The following ZNF578 variants were observed in gnomAD, a reference collection of about 807,000 sequenced individuals.
The protein encoded by ZNF578 is Putative chemokine-related protein B42.
In ZNF578, 8 loss-of-function variants were observed where a neutral mutation model predicts 8.3. The ratio of observed to expected loss-of-function variants is 0.96; its 90% CI spans 0.56 to 1.74. The LOEUF (loss-of-function observed/expected upper bound fraction) is 1.74, where lower values mean the gene tolerates loss of function less well. ZNF578 is among the 40% of genes most tolerant of loss of function. The pLI is 0.00. For missense variants in ZNF578, 726 were observed against 707.5 expected (o/e 1.03, Z -0.30); for synonymous variants, 206 against 232.2 (o/e 0.89, Z 1.03).
chr19:52,472,816 A>C (rs779637108), intron 2 of ZNF578, among the ~76,000 whole-genome samples: 2 of 152,242 alleles, frequency 1.3e-5, no homozygotes, highest in African/African-American at 2.4e-5. Flanking sequence ...AAGAGTAAAG[A>C]AGCCTTTTCA....
At chr19:52,493,913 C>T (rs1454619657) in intron 3 of ZNF578, among the ~76,000 whole-genome samples, 1 of 151,746 alleles carries the variant, frequency 6.6e-6, no homozygotes, top group Non-Finnish European at 1.5e-5. Context: ...TCGCTTGAAC[C>T]TGGGAGGCGG....
At chr19:52,461,074 G>C (rs1599880822) in intron 2 of ZNF578, among the ~76,000 whole-genome samples, 1 of 152,186 alleles carries the variant, frequency 6.6e-6, no homozygotes, top group East Asian at 1.9e-4. Flanking sequence ...ACATTTGAAA[G>C]TCCATCAGCA....
At chr19:52,469,025 A>G (rs781261771) in intron 2 of ZNF578, among the ~76,000 whole-genome samples, 34 of 152,272 alleles carry the variant, frequency 2.2e-4, no homozygotes, top group Non-Finnish European at 4.0e-4. Context: ...CATACAGCCT[A>G]TCATGGGACC....
At position 52,511,744 on chromosome 19, in the gene ZNF578, T is replaced by A. The variant is rs1160436904; in HGVS notation, c.1363T>A (p.Tyr455Asn). Residue 455 changes from tyrosine (Y) to asparagine (N), a missense_variant, in exon 6 of 6, where the codon TAC (tyrosine) becomes AAC (asparagine). Tyr to Asn is a moderately radical substitution (Grantham distance 143). Transcript: ENST00000421239. ...HHRLHTGEKSYKCEECDRVFS... is the reference protein window; with the variant it reads ...HHRLHTGEKSNKCEECDRVFS... ...TAGACTTCATACTGGAGAGAAATCT[T>A]ACAAATGTGAAGAATGTGACAGAGT... is the stretch of plus-strand genomic sequence containing the variant. The A allele has an allele frequency of 6.2e-7, 1 of 1,613,366 alleles. No homozygotes were observed. The highest frequency in any genetic ancestry group is 8.5e-7 in the Non-Finnish European group (1 of 1,179,896).
Position 52,510,846 on chromosome 19 carries a change from G to A in ZNF578, c.465G>A (p.Gln155=). The change falls in exon 6 of 6, where the codon CAG becomes CAA. Residue 155 remains glutamine (Q), a synonymous_variant. Transcript: ENST00000421239. ...CTGGAAACAAGCCTATTAAAGATCA[G>A]CTTGGATTAAGCTTTCATTTGCATC... The part of the protein sequence containing the change: ...RHAGNKPIKD[Q]LGLSFHLHLP... 6.2e-7 allele frequency: 1 copy of A among 1,614,172 alleles called. No individual in the cohort carries two copies. Among genetic ancestry groups the A allele is most frequent in the South Asian group, 1.1e-5 (1 of 91,074 alleles).
chr19:52,474,185 G>A, intron 2 of ZNF578: 1 of 295,306 alleles, frequency 3.4e-6, no homozygotes. Flanking sequence ...TAGAAGATGG[G>A]CAATAAGGCC....
chr19:52,507,383 G>T (rs1022439409), intron 5 of ZNF578, among the ~76,000 whole-genome samples: 1 of 151,920 alleles, frequency 6.6e-6, no homozygotes, highest in African/African-American at 2.4e-5. Flanking sequence ...GTTAGATTCC[G>T]TTTGCCACAA....
In ZNF578 at chr19:52,511,238, C is replaced by G; in HGVS notation, c.857C>G (p.Pro286Arg). 1 of 1,614,092 alleles carries G rather than the reference C, an allele frequency of 6.2e-7. No homozygotes were observed. The highest frequency in any genetic ancestry group is 8.5e-7 in the Non-Finnish European group (1 of 1,179,998). ...RHRRCHTSEK[P>R]YKCNECGKSF... is the part of the protein sequence containing the mutation. ...CGTAGATGTCACACTAGTGAGAAAC[C>G]TTACAAGTGTAATGAATGTGGAAAG... is the stretch of plus-strand genomic sequence containing the variant. Residue 286 changes from proline to arginine, a missense_variant, in exon 6 of 6, where the codon CCT becomes CGT. By Grantham distance (103) the Pro-to-Arg change is moderately radical (BLOSUM62 -2). Transcript: ENST00000421239.
At position 52,514,139 on chromosome 19, in the gene ZNF578, T is replaced by C. The variant is rs2059462837; in HGVS notation, c.*1985T>C. Among the ~76,000 whole-genome samples, 1 of 152,234 alleles carries C rather than the reference T, an allele frequency of 6.6e-6. No homozygotes were observed. Among genetic ancestry groups the C allele is most frequent in the Non-Finnish European group, 1.5e-5 (1 of 68,042 alleles). On this transcript the variant is annotated 3_prime_UTR_variant, in exon 6 of 6. Coordinates refer to ENST00000421239, the MANE Select transcript of ZNF578 (RefSeq NM_001099694.2). ...CAGTTCTCTATTTATTTTTTCTTTTTTGCAGATTGAGTTTGAGATATATCT... is the reference window on the plus strand; with the variant it reads ...CAGTTCTCTATTTATTTTTTCTTTTCTGCAGATTGAGTTTGAGATATATCT...
intron 2 of ZNF578, among the ~76,000 whole-genome samples, chr19:52,489,588 C>T (rs1227621921): frequency 1.3e-5 from 2 of 151,804 alleles, no homozygotes; most frequent in Non-Finnish European, 2.9e-5. Flanking sequence ...TACTCCGTCT[C>T]AAAAATTAAA....
chr19:52,505,345 A>G (rs369846214), intron 5 of ZNF578, among the ~76,000 whole-genome samples: 2 of 152,338 alleles, frequency 1.3e-5, no homozygotes, highest in African/African-American at 4.8e-5. Flanking sequence ...CATATGTATG[A>G]GGCTGTTGAC....
chr19:52,459,585 C>T (rs1195857415), intron 2 of ZNF578, among the ~76,000 whole-genome samples: 1 of 144,564 alleles, frequency 6.9e-6, no homozygotes, highest in Non-Finnish European at 1.5e-5. Flanking sequence ...TCTTTGAGGG[C>T]CTGCTTTCAA....
intron 2 of ZNF578, among the ~76,000 whole-genome samples, chr19:52,481,475 G>A (rs1376915412): frequency 1.3e-5 from 2 of 152,174 alleles, no homozygotes; most frequent in South Asian, 2.1e-4. Flanking sequence ...GTTGACTTCT[G>A]TGTATATAAT....
rs972724824 is a variant in ZNF578 at position 52,515,436 on chromosome 19, T to C, written c.*3282T>C. 2.0e-5 allele frequency among the ~76,000 whole-genome samples: 3 copies of C among 152,206 alleles called. No homozygotes were observed. Among genetic ancestry groups the C allele is most frequent in the African/African-American group, 7.2e-5 (3 of 41,454 alleles). On this transcript the variant is annotated 3_prime_UTR_variant, in exon 6 of 6. Transcript: ENST00000421239. ...GTCAGGAATCAATGTCATCAGAACC[T>C]TGCAAAAGAAGTTTCTTTAGCCCAG...
chr19:52,489,265 T>A (rs971209826), intron 2 of ZNF578, among the ~76,000 whole-genome samples: 5 of 151,460 alleles, frequency 3.3e-5, no homozygotes, highest in Non-Finnish European at 7.4e-5. Flanking sequence ...AAAAAAGAAA[T>A]AGCAATCAAC....
At chr19:52,481,133 G>C (rs1307843130) in intron 2 of ZNF578, among the ~76,000 whole-genome samples, 1 of 152,042 alleles carries the variant, frequency 6.6e-6, no homozygotes, top group Non-Finnish European at 1.5e-5. Flanking sequence ...GGGTTAGCCT[G>C]GGGTTATACC....
At chr19:52,473,882 C>T in intron 2 of ZNF578, 1 of 330,506 alleles carries the variant, frequency 3.0e-6, no homozygotes, top group Non-Finnish European at 5.9e-6. Flanking sequence ...ATAGACCTTG[C>T]CACATTCATT....
At chr19:52,474,091 T>C (rs1599888308) in intron 2 of ZNF578, 13 of 375,882 alleles carry the variant, frequency 3.5e-5, no homozygotes, top group South Asian at 2.5e-4. Flanking sequence ...CAGTATGAAT[T>C]CTCTGATGAT....
intron 2 of ZNF578, among the ~76,000 whole-genome samples, chr19:52,460,156 C>T (rs1343417210): frequency 6.6e-6 from 1 of 151,822 alleles, no homozygotes; most frequent in Non-Finnish European, 1.5e-5. Flanking sequence ...AAAATATCTA[C>T]ACACACCCAT....
Sources: gnomAD v4.1 joint callset for allele counts (sites outside exome capture counted in the v4.1 genomes callset) on GRCh38, gnomAD v4.1.1 for gene constraint, MANE v1.5 for transcripts, NCBI Gene and HGNC (gene_info 2026-07-23, HGNC 2026-07-21) for gene names.